Variants in FSTL5 observed in about 807,000 individuals in gnomAD.
FSTL5 encodes follistatin like 5.
FSTL5 carries 62 observed loss-of-function variants against 89.1 expected under a neutral mutation model. The ratio of observed to expected loss-of-function variants is 0.70; its 90% CI spans 0.57 to 0.86. The LOEUF (loss-of-function observed/expected upper bound fraction) is 0.86, where lower values mean the gene tolerates loss of function less well. Among genes scored for constraint, FSTL5 ranks in the 40% least tolerant of loss-of-function variants. The pLI, the probability that FSTL5 is intolerant of heterozygous loss-of-function variation, is 0.00. For synonymous variants in FSTL5, 383 were observed against 346.2 expected, an observed-to-expected ratio of 1.11 and a Z score of -1.18; for missense variants, 1,057 against 1,001.6, an observed-to-expected ratio of 1.06 and a Z score of -0.75.
At chr4:162,109,147 G>A (rs761932233) in intron 2 of FSTL5, among the ~76,000 whole-genome samples, 1 of 152,010 alleles carries the variant, frequency 6.6e-6, no homozygotes, top group Non-Finnish European at 1.5e-5. Flanking sequence ...GTGGGAAAAG[G>A]AAGGCCAGAA....
chr4:162,096,588 G>T (rs970404966), intron 2 of FSTL5, among the ~76,000 whole-genome samples: 2 of 151,742 alleles, frequency 1.3e-5, no homozygotes, highest in Non-Finnish European at 3.0e-5. Flanking sequence ...CTGGTGCAGT[G>T]ACTCATAGAT....
intron 8 of FSTL5, among the ~76,000 whole-genome samples, chr4:161,550,020 G>C (rs937174261): frequency 1.3e-5 from 2 of 151,784 alleles, no homozygotes; most frequent in Non-Finnish European, 1.5e-5. Flanking sequence ...CACCCTACTG[G>C]CCTGTTAGTT....
intron 6 of FSTL5, among the ~76,000 whole-genome samples, chr4:161,701,113 C>A (rs980624072): frequency 2.0e-5 from 3 of 152,058 alleles, no homozygotes; most frequent in Non-Finnish European, 4.4e-5. Flanking sequence ...AGCTTTTATT[C>A]TTTTTGTCCC....
In FSTL5 at chr4:161,893,496, T is replaced by C. The variant is rs553689135; in HGVS notation, c.409+26908A>G. ...TCAATATAAACTAAAGCCATCACATTATCCTTAACAGCTAAACCACTGGCA... is the reference window on the plus strand; with the variant it reads ...TCAATATAAACTAAAGCCATCACATCATCCTTAACAGCTAAACCACTGGCA... On this transcript the variant is annotated intron_variant, in intron 4 of 15. Coordinates refer to ENST00000306100, the MANE Select transcript of FSTL5 (RefSeq NM_020116.5). 2.7e-3 allele frequency among the ~76,000 whole-genome samples: 412 copies of C among 152,274 alleles called. 2 individuals carry two copies. Among genetic ancestry groups the C allele is most frequent in the Non-Finnish European group, 4.8e-3 (326 of 67,980 alleles).
In FSTL5 at chr4:161,766,015, G is replaced by A. The variant is rs371546901; in HGVS notation, c.607-6484C>T. 1.4e-3 allele frequency among the ~76,000 whole-genome samples: 215 copies of A among 152,004 alleles called. 6 individuals carry two copies. In the South Asian group the frequency reaches 0.042, roughly 30 times the overall value. On this transcript the variant is annotated intron_variant, in intron 5 of 15. Transcript: ENST00000306100. ...TCACCATCTTGGCCAGGCCGGTCCC[G>A]AACTCCTTACGTCATGATCCACCCA...
chr4:161,735,287 C>A (rs983762058), intron 6 of FSTL5, among the ~76,000 whole-genome samples: 1 of 152,124 alleles, frequency 6.6e-6, no homozygotes, highest in Non-Finnish European at 1.5e-5. Context: ...TTCCCAAGCA[C>A]ACCACTCCCC....
intron 4 of FSTL5, among the ~76,000 whole-genome samples, chr4:161,798,296 CT>C (rs1166509928): frequency 1.3e-5 from 2 of 151,434 alleles, no homozygotes; most frequent in African/African-American, 2.4e-5. Flanking sequence ...TTACAGCCCC[CT>C]GTTCCAAAAA....
intron 11 of FSTL5, among the ~76,000 whole-genome samples, chr4:161,507,254 C>T (rs948880410): frequency 2.0e-5 from 3 of 151,494 alleles, no homozygotes; most frequent in African/African-American, 7.3e-5. Context: ...AAACTTTGAC[C>T]TCATAACATA....
At chr4:161,931,704 G>C (rs1019562860) in intron 3 of FSTL5, among the ~76,000 whole-genome samples, 1 of 151,944 alleles carries the variant, frequency 6.6e-6, no homozygotes, top group Admixed American at 6.6e-5. Context: ...GTGGATGCCA[G>C]ATTTGAGCCT....
intron 1 of FSTL5, among the ~76,000 whole-genome samples, chr4:162,143,236 A>G (rs1252707050): frequency 6.6e-6 from 1 of 152,128 alleles, no homozygotes; most frequent in African/African-American, 2.4e-5. Flanking sequence ...TAGAGATATT[A>G]AATTACAATG....
intron 2 of FSTL5, among the ~76,000 whole-genome samples, chr4:162,065,704 T>C (rs1197234529): frequency 6.6e-6 from 1 of 151,830 alleles, no homozygotes; most frequent in African/African-American, 2.4e-5. Flanking sequence ...GCAACTCTAC[T>C]TCTCGGTACA....
rs1399068230 is a variant in FSTL5, at chr4:161,966,077, C to T, written c.161-45425G>A. Among the ~76,000 whole-genome samples, 5 of 151,878 alleles carry T rather than the reference C, an allele frequency of 3.3e-5. No homozygotes were observed. The East Asian group carries it at 9.6e-4, about 29-fold the overall frequency. ...TTTATATATACAAGTTTCTTATTGCCACAAAGACAACTTGGCTGCAATGAA... is the reference window on the plus strand; with the variant it reads ...TTTATATATACAAGTTTCTTATTGCTACAAAGACAACTTGGCTGCAATGAA... On this transcript the variant is annotated intron_variant, in intron 3 of 15. Coordinates refer to ENST00000306100, the MANE Select transcript of FSTL5 (RefSeq NM_020116.5).
intron 7 of FSTL5, among the ~76,000 whole-genome samples, chr4:161,648,555 G>T (rs1382519778): frequency 6.6e-6 from 1 of 152,102 alleles, no homozygotes; most frequent in African/African-American, 2.4e-5. Context: ...CTTCTTTCAT[G>T]AATTTACTAA....
chr4:161,882,445 A>G lies in FSTL5; in HGVS notation c.409+37959T>C, dbSNP rs970194695. Among the ~76,000 whole-genome samples the G allele has an allele frequency of 1.1e-4, 16 of 152,248 alleles. No homozygotes were observed. The East Asian group carries it at 2.9e-3, about 28-fold the overall frequency. ...ATTGTATCACTTGGAAAATTGAAACATTCAGACCGCTTTTGCCACCTCTCT... is the reference window on the plus strand; with the variant it reads ...ATTGTATCACTTGGAAAATTGAAACGTTCAGACCGCTTTTGCCACCTCTCT... On this transcript the variant is annotated intron_variant, in intron 4 of 15. Transcript: ENST00000306100.
intron 3 of FSTL5, among the ~76,000 whole-genome samples, chr4:161,962,378 T>G (rs768108347): frequency 6.6e-6 from 1 of 152,046 alleles, no homozygotes. Context: ...CATCTCTGTT[T>G]GCTACTTTAG....
intron 3 of FSTL5, among the ~76,000 whole-genome samples, chr4:161,991,538 G>T (rs1736112120): frequency 6.6e-6 from 1 of 152,160 alleles, no homozygotes; most frequent in Non-Finnish European, 1.5e-5. Context: ...TAGGGACAGG[G>T]TGTAAAACTC....
At chr4:161,735,870 AT>A (rs1427290645) in intron 6 of FSTL5, among the ~76,000 whole-genome samples, 1 of 152,144 alleles carries the variant, frequency 6.6e-6, no homozygotes, top group East Asian at 1.9e-4. Context: ...TATAAATCTT[AT>A]TTTTTTCCTT....
intron 6 of FSTL5, among the ~76,000 whole-genome samples, chr4:161,680,289 G>C (rs143658909): frequency 0.014 from 2,169 of 151,878 alleles, 71 homozygotes; most frequent in South Asian, 0.14. Context: ...CCTGAGCTCT[G>C]AATCTACTTA....
intron 3 of FSTL5, among the ~76,000 whole-genome samples, chr4:161,932,324 T>C (rs1054112819): frequency 2.6e-5 from 4 of 151,886 alleles, no homozygotes; most frequent in Admixed American, 2.6e-4. Context: ...GAGACTATTT[T>C]TAAATCTAAA....
Sources: allele counts gnomAD v4.1 joint callset (sites outside exome capture counted in the v4.1 genomes callset), GRCh38; gene constraint gnomAD v4.1.1; transcripts MANE v1.5; gene names NCBI Gene and HGNC (gene_info 2026-07-23, HGNC 2026-07-21).